GPC6: variants seen among roughly 807,000 people sequenced by gnomAD.
GPC6 encodes the protein glypican-6.
In GPC6, 14 loss-of-function variants were observed where a neutral mutation model predicts 55.2. That is an observed-to-expected ratio of 0.25 (90% CI 0.17 to 0.40). GPC6 has a LOEUF of 0.40. Among genes scored for constraint, GPC6 ranks in the 10% least tolerant of loss-of-function variants. The probability of loss-of-function intolerance (pLI) is 1.00; values close to 1 mark genes in which losing one functional copy is unlikely to be tolerated. For synonymous variants in GPC6, 278 were observed against 259.6 expected (o/e 1.07, Z -0.68); for missense variants, 641 against 708.5 (o/e 0.90, Z 1.08).
At chr13:93,523,110 C>T (rs1594234745) in intron 1 of GPC6, among the ~76,000 whole-genome samples, 4 of 149,606 alleles carry the variant, frequency 2.7e-5, no homozygotes, top group South Asian at 2.1e-4. Flanking sequence ...TTTACACACA[C>T]GTGTGTATAT....
At chr13:93,371,845 G>A (rs1206667241) in intron 1 of GPC6, among the ~76,000 whole-genome samples, 1 of 152,048 alleles carries the variant, frequency 6.6e-6, no homozygotes, top group Non-Finnish European at 1.5e-5. Context: ...TAGGAATAGA[G>A]ACCTCAGTAA....
rs536246469 is a variant in GPC6 at position 93,286,884 on chromosome 13, C to G, written c.160+59268C>G. Among the ~76,000 whole-genome samples, 6 of 152,104 alleles carry G rather than the reference C, an allele frequency of 3.9e-5. No individual in the cohort carries two copies. The East Asian group carries it at 7.7e-4, about 20-fold the overall frequency. Reference sequence around the variant, plus strand: ...ACATTGGCATTCCCAAATCTGATACCTGAAATGCTCTAAAATTCCAAGCTT... The same window carrying G: ...ACATTGGCATTCCCAAATCTGATACGTGAAATGCTCTAAAATTCCAAGCTT... On this transcript the variant is annotated intron_variant, in intron 1 of 8. Transcript: ENST00000377047.
intron 1 of GPC6, among the ~76,000 whole-genome samples, chr13:93,512,270 G>T (rs1439691396): frequency 6.6e-6 from 1 of 152,002 alleles, no homozygotes; most frequent in Non-Finnish European, 1.5e-5. Context: ...GACAGGAAAG[G>T]ATTTCAACTT....
chr13:93,806,482 T>G (rs1312164731), intron 2 of GPC6, among the ~76,000 whole-genome samples: 1 of 152,034 alleles, frequency 6.6e-6, no homozygotes. Flanking sequence ...GGATTAAAGG[T>G]GTACATACCA....
intron 3 of GPC6, among the ~76,000 whole-genome samples, chr13:93,870,880 A>G (rs572933807): frequency 6.0e-4 from 91 of 152,010 alleles, no homozygotes; most frequent in Middle Eastern, 3.4e-3. Context: ...TCTGCCTCCC[A>G]AATTGCTGGG....
chr13:93,719,844 GT>G (rs1362462855), intron 2 of GPC6, among the ~76,000 whole-genome samples: 1 of 152,066 alleles, frequency 6.6e-6, no homozygotes, highest in Admixed American at 6.6e-5. Flanking sequence ...AGATAATCAT[GT>G]GGTTTTTGTC....
At chr13:94,056,681 ATATT>A (rs1884144754) in intron 4 of GPC6, among the ~76,000 whole-genome samples, 1 of 152,220 alleles carries the variant, frequency 6.6e-6, no homozygotes. Flanking sequence ...TAGTAGATGT[ATATT>A]TAATTACTGA....
At chr13:94,133,456 G>A (rs1887076842) in intron 4 of GPC6, among the ~76,000 whole-genome samples, 1 of 151,972 alleles carries the variant, frequency 6.6e-6, no homozygotes, top group African/African-American at 2.4e-5. Context: ...AGAACAAACA[G>A]GGAATGTATT....
chr13:93,346,854 T>G (rs1880448477), intron 1 of GPC6, among the ~76,000 whole-genome samples: 1 of 152,206 alleles, frequency 6.6e-6, no homozygotes, highest in Admixed American at 6.5e-5. Context: ...GTAGATACAT[T>G]TAGTCATATA....
At chr13:94,088,081 T>C (rs1214598461) in intron 4 of GPC6, among the ~76,000 whole-genome samples, 2 of 152,182 alleles carry the variant, frequency 1.3e-5, no homozygotes, top group Non-Finnish European at 2.9e-5. Flanking sequence ...GTTCTTTTGC[T>C]GTACTAGGAC....
chr13:93,757,849 G>A (rs1376349454), intron 2 of GPC6, among the ~76,000 whole-genome samples: 1 of 152,086 alleles, frequency 6.6e-6, no homozygotes, highest in Non-Finnish European at 1.5e-5. Context: ...GTTCAGAAAG[G>A]CCAAATGTGC....
intron 4 of GPC6, among the ~76,000 whole-genome samples, chr13:94,192,235 T>C (rs1889419471): frequency 6.6e-6 from 1 of 152,196 alleles, no homozygotes; most frequent in African/African-American, 2.4e-5. Flanking sequence ...CCCTACTTCA[T>C]GCTAGTTAAT....
chr13:94,247,705 T>G (rs1392915385), intron 4 of GPC6, among the ~76,000 whole-genome samples: 1 of 152,166 alleles, frequency 6.6e-6, no homozygotes, highest in Non-Finnish European at 1.5e-5. Flanking sequence ...AAATCCTACT[T>G]AATCATGATG....
chr13:93,836,118 A>T (rs1026426622), intron 3 of GPC6: 1 of 152,220 alleles, frequency 6.6e-6, no homozygotes, highest in Admixed American at 6.5e-5. Context: ...TTCATTCCCA[A>T]CTAAACAGCT....
At chr13:94,264,798 G>A (rs949226375) in intron 4 of GPC6, among the ~76,000 whole-genome samples, 1 of 152,174 alleles carries the variant, frequency 6.6e-6, no homozygotes, top group Non-Finnish European at 1.5e-5. Context: ...AAAGACAAAG[G>A]GGTTTAATAG....
intron 4 of GPC6, among the ~76,000 whole-genome samples, chr13:94,183,970 C>T (rs1236074449): frequency 1.3e-5 from 2 of 152,060 alleles, no homozygotes; most frequent in Non-Finnish European, 2.9e-5. Context: ...CTCTGAACAT[C>T]GACAAGGCTG....
intron 1 of GPC6, among the ~76,000 whole-genome samples, chr13:93,397,472 T>C (rs1395491879): frequency 6.6e-6 from 1 of 152,238 alleles, no homozygotes; most frequent in Admixed American, 6.5e-5. Flanking sequence ...TATCTGTTCA[T>C]GTCTTTTGCC....
chr13:94,197,983 AAAATAATGTTTT>A (rs1173847136), intron 4 of GPC6, among the ~76,000 whole-genome samples: 2 of 152,250 alleles, frequency 1.3e-5, no homozygotes, highest in Non-Finnish European at 2.9e-5. Flanking sequence ...CTTTGCAAGA[AAAATAATGTTTT>A]GATTTTAATT....
At chr13:93,904,224 T>C (rs1876513346) in intron 3 of GPC6, among the ~76,000 whole-genome samples, 1 of 152,148 alleles carries the variant, frequency 6.6e-6, no homozygotes, top group South Asian at 2.1e-4. Flanking sequence ...GGACATCTCA[T>C]TTTAAACAAA....
Sources: allele counts gnomAD v4.1 joint callset (sites outside exome capture counted in the v4.1 genomes callset), GRCh38; gene constraint gnomAD v4.1.1; transcripts MANE v1.5; gene names NCBI Gene and HGNC (gene_info 2026-07-23, HGNC 2026-07-21).